ZNF85: variants seen among roughly 807,000 people sequenced by gnomAD.
The protein encoded by ZNF85 is zinc finger protein 85 (HPF4, HTF1).
A neutral mutation model predicts 53.9 loss-of-function variants in ZNF85; 50 were observed. The ratio of observed to expected loss-of-function variants is 0.93; its 90% CI spans 0.74 to 1.17. The LOEUF (loss-of-function observed/expected upper bound fraction) is 1.17. Ranked by LOEUF, ZNF85 falls within the 50% of genes most tolerant of loss-of-function variation. The pLI is 0.00. For synonymous variants in ZNF85, 225 were observed against 226.1 expected (o/e 1.00, Z 0.04); for missense variants, 747 against 688.5 (o/e 1.08, Z -0.95).
At chr19:20,928,788 C>CA (rs138924120) in intron 1 of ZNF85, 15,535 of 152,188 alleles carry the variant, frequency 0.1, 880 homozygotes, top group Non-Finnish European at 0.13. Flanking sequence ...ACAAATAAAT[C>CA]AGAGTACAGC....
rs974280797 is a variant in ZNF85 at position 20,933,049 on chromosome 19, C to T, written c.4-975C>T. 1.2e-3 allele frequency among the ~76,000 whole-genome samples: 176 copies of T among 151,608 alleles called. 1 individual carries two copies. Among genetic ancestry groups the T allele is most frequent in the African/African-American group, 3.9e-3 (163 of 41,394 alleles). On this transcript the variant is annotated intron_variant, in intron 1 of 3. Transcript: ENST00000328178. ...AAATACAAAAAAAAAAAAAATTAGCCGGGCATGGTGGTGGGCACCTGTGGC... is the reference window on the plus strand; with the variant it reads ...AAATACAAAAAAAAAAAAAATTAGCTGGGCATGGTGGTGGGCACCTGTGGC...
intron 3 of ZNF85, among the ~76,000 whole-genome samples, chr19:20,941,266 C>T (rs1020862664): frequency 6.6e-6 from 1 of 151,966 alleles, no homozygotes; most frequent in Non-Finnish European, 1.5e-5. Flanking sequence ...TGTTTCCTTT[C>T]TTCCCTCCCC....
At position 20,949,059 on chromosome 19, in the gene ZNF85, C is replaced by A. The variant is rs1370254798; in HGVS notation, c.545C>A (p.Ser182Ter). Residue 182 changes from serine to a stop codon, truncating the protein, a stop_gained, in exon 4 of 4, where the codon TCA (serine) becomes TAA (stop). Coordinates refer to ENST00000328178, the MANE Select transcript of ZNF85 (RefSeq NM_003429.5). LOFTEE classifies it high-confidence loss of function. ...TTCAAATGTACAAAATGTGGCAAAT[C>A]ATTTGGCATGATTTCATGCCTAACT... ...KPFKCTKCGK[S>*]FGMISCLTEH... 6.2e-7 allele frequency: 1 copy of A among 1,613,710 alleles called. No individual in the cohort carries two copies. Among genetic ancestry groups the A allele is most frequent in the African/African-American group, 1.3e-5 (1 of 74,910 alleles).
Position 20,949,923 on chromosome 19 carries a change from C to A in ZNF85, c.1409C>A (p.Thr470Asn). 1 of 1,612,144 alleles carries A rather than the reference C, an allele frequency of 6.2e-7. No homozygotes were observed. Among genetic ancestry groups the A allele is most frequent in the Non-Finnish European group, 8.5e-7 (1 of 1,179,032 alleles). ...GKAFNQSSNL[T>N]RHKKSHTEEK... is the part of the protein sequence containing the mutation. ...GCTTTTAACCAGTCCTCAAATCTTA[C>A]TAGACATAAGAAAAGTCATACAGAA... Residue 470 changes from threonine (T) to asparagine (N), a missense_variant, in exon 4 of 4, where the codon ACT becomes AAT. Thr to Asn is a moderately conservative substitution (Grantham distance 65). Transcript: ENST00000328178.
rs1464158640 is a variant in ZNF85, at chr19:20,930,133, A to AAG, written c.4-3890_4-3889insGA. 2.6e-5 allele frequency among the ~76,000 whole-genome samples: 4 copies of AAG among 151,030 alleles called. No homozygotes were observed. In the East Asian group the frequency reaches 7.8e-4, roughly 29 times the overall value. On this transcript the variant is annotated intron_variant, in intron 1 of 3. Transcript: ENST00000328178. Reference sequence around the variant, plus strand: ...AAGACTCCGTCCCAAAAAAAAAAAAAAAAAAAAAAGAAATCAGAGTTTTTG... The same window carrying AAG: ...AAGACTCCGTCCCAAAAAAAAAAAAAAGAAAAAAAAAGAAATCAGAGTTTTTG...
At chr19:20,942,154 ATAT>A (rs947969781) in intron 3 of ZNF85, among the ~76,000 whole-genome samples, 1 of 150,482 alleles carries the variant, frequency 6.6e-6, no homozygotes, top group African/African-American at 2.4e-5. Flanking sequence ...TGTAGCTTTT[ATAT>A]TATTATTATT....
chr19:20,946,167 T>A (rs1973414934), intron 3 of ZNF85: 1 of 170,596 alleles, frequency 5.9e-6, no homozygotes, highest in Non-Finnish European at 1.3e-5. Flanking sequence ...GCCTTAAATG[T>A]GTAGATTACA....
In ZNF85 at chr19:20,923,251, G is replaced by A; in HGVS notation, c.-150G>A. The A allele has an allele frequency of 2.4e-6, 3 of 1,251,150 alleles. No homozygotes were observed. Among genetic ancestry groups the A allele is most frequent in the Non-Finnish European group, 3.4e-6 (3 of 883,048 alleles). 77.5% of individuals were successfully genotyped at this position (1,251,150 alleles called of 1,614,324 possible). A position where few individuals can be genotyped will look rare whatever the true frequency, so the allele number is the denominator to read the frequency against. ...AGGGCGGCTTCCGGGATGTGGCGGG[G>A]CCTTTGTCTCTCGCTGCAGCCTGAG... On this transcript the variant is annotated 5_prime_UTR_variant, in exon 1 of 4. Coordinates refer to ENST00000328178, the MANE Select transcript of ZNF85 (RefSeq NM_003429.5).
In ZNF85 at chr19:20,935,108, A is replaced by G. The variant is rs565155585; in HGVS notation, c.229+61A>G. The G allele has an allele frequency of 1.6e-4, 179 of 1,094,564 alleles. 1 individual carries two copies. In the African/African-American group the frequency reaches 2.6e-3, roughly 16 times the overall value. The allele number at this position is 1,094,564 out of a possible 1,614,324, so 67.8% of individuals were successfully genotyped here. A position where few individuals can be genotyped will look rare whatever the true frequency, so the allele number is the denominator to read the frequency against. On this transcript the variant is annotated intron_variant, in intron 3 of 3. Coordinates refer to ENST00000328178, the MANE Select transcript of ZNF85 (RefSeq NM_003429.5). ...CATGAGAGGTCCAAAGGCCAAAGAG[A>G]AAGCCAGTCCTTAAAATGTGATTTA...
chr19:20,923,951 G>C (rs901897159), intron 1 of ZNF85, among the ~76,000 whole-genome samples: 1 of 152,042 alleles, frequency 6.6e-6, no homozygotes, highest in African/African-American at 2.4e-5. Context: ...CGGGCGTCGT[G>C]GCGCGCGCCT....
At position 20,924,085 on chromosome 19, in the gene ZNF85, CAA is replaced by C. The variant is rs35334102; in HGVS notation, c.3+697_3+698del. On this transcript the variant is annotated intron_variant, in intron 1 of 3. Transcript: ENST00000328178. ...GGGCAATAAGAGTGAAACTCCGTCT[CAA>C]AAAAAAAAAAAAAAGATGTATAGGA... is the stretch of plus-strand genomic sequence containing the variant. 7.3e-4 allele frequency among the ~76,000 whole-genome samples: 70 copies of C among 96,386 alleles called. 1 individual carries two copies. Among genetic ancestry groups the C allele is most frequent in the Middle Eastern group, 5.8e-3 (1 of 172 alleles). 63.2% of individuals were successfully genotyped at this position (96,386 alleles called of 152,430 possible). A position where few individuals can be genotyped will look rare whatever the true frequency, so the allele number is the denominator to read the frequency against.
chr19:20,941,929 A>T (rs1383830380), intron 3 of ZNF85, among the ~76,000 whole-genome samples: 1 of 152,114 alleles, frequency 6.6e-6, no homozygotes, highest in African/African-American at 2.4e-5. Context: ...TTATTTAAAA[A>T]TATTTTTCAT....
At chr19:20,938,836 C>T (rs891638048) in intron 3 of ZNF85, among the ~76,000 whole-genome samples, 1 of 149,470 alleles carries the variant, frequency 6.7e-6, no homozygotes, top group African/African-American at 2.5e-5. Context: ...GAGGCTCTAA[C>T]CATATTCTGC....
intron 3 of ZNF85, 60 bp from the exon 4 acceptor site, chr19:20,948,684 G>A: frequency 7.8e-7 from 1 of 1,282,724 alleles, no homozygotes; most frequent in South Asian, 1.6e-5. Flanking sequence ...TATTACATTT[G>A]TAAACTATCT....
chr19:20,948,760 T>C lies in ZNF85; in HGVS notation c.246T>C (p.Phe82=). 6.4e-7 allele frequency: 1 copy of C among 1,558,794 alleles called. No homozygotes were observed. Among genetic ancestry groups the C allele is most frequent in the Non-Finnish European group, 8.6e-7 (1 of 1,156,284 alleles). The stretch of plus-strand genomic sequence containing the variant: ...TTCTTTCAGTTATGTGTTCTCATTT[T>C]GCCCAAGACCTTTGGCCGGAGCAGA... ...VAKPTVMCSH[F]AQDLWPEQNI... is the part of the protein sequence containing the mutation. The change falls in exon 4 of 4, where the codon TTT becomes TTC. Residue 82 remains phenylalanine (F), a synonymous_variant. Transcript: ENST00000328178.
At chr19:20,942,815 A>T (rs1055551393) in intron 3 of ZNF85, 5 of 699,696 alleles carry the variant, frequency 7.1e-6, no homozygotes, top group Non-Finnish European at 1.3e-5. Context: ...TTACTCTGTC[A>T]CCCAGTCTGG....
chr19:20,945,147 A>G (rs562715830), intron 3 of ZNF85, among the ~76,000 whole-genome samples: 44 of 152,302 alleles, frequency 2.9e-4, no homozygotes, highest in African/African-American at 9.9e-4. Context: ...ACTTATCAAA[A>G]ACATAAAATT....
At chr19:20,941,969 T>C (rs1973307641) in intron 3 of ZNF85, among the ~76,000 whole-genome samples, 1 of 152,192 alleles carries the variant, frequency 6.6e-6, no homozygotes, top group African/African-American at 2.4e-5. Context: ...TCCATCTTCA[T>C]CTTATCCATG....
chr19:20,930,645 T>C (rs1002773290), intron 1 of ZNF85, among the ~76,000 whole-genome samples: 2 of 152,268 alleles, frequency 1.3e-5, no homozygotes, highest in Non-Finnish European at 2.9e-5. Flanking sequence ...CTGCTTAATA[T>C]ATCTTGCATT....
Sources: allele counts gnomAD v4.1 joint callset (sites outside exome capture counted in the v4.1 genomes callset), GRCh38; gene constraint gnomAD v4.1.1; transcripts MANE v1.5; gene names NCBI Gene and HGNC (gene_info 2026-07-23, HGNC 2026-07-21).